Variants in SYNDIG1L observed in about 807,000 individuals in gnomAD.
The protein encoded by SYNDIG1L is synapse differentiation-inducing gene protein 1-like.
Under a neutral mutation model 20.1 loss-of-function variants are expected in SYNDIG1L, and 13 were observed. The ratio of observed to expected loss-of-function variants is 0.65; its 90% CI spans 0.42 to 1.03. The LOEUF (loss-of-function observed/expected upper bound fraction) is 1.03. SYNDIG1L is among the 50% of genes least tolerant of loss of function. SYNDIG1L has a pLI of 0.00. For synonymous variants in SYNDIG1L, 128 were observed against 129.3 expected (o/e 0.99, Z 0.07); for missense variants, 294 against 305.1 (o/e 0.96, Z 0.27).
At chr14:74,424,836 C>T (rs534161884) in intron 1 of SYNDIG1L, among the ~76,000 whole-genome samples, 47 of 152,222 alleles carry the variant, frequency 3.1e-4, no homozygotes, top group Admixed American at 2.0e-3. Flanking sequence ...TTTCATTGGG[C>T]CCCAAGGCAG....
the SYNDIG1L span, among the ~76,000 whole-genome samples, chr14:74,439,489 G>A: frequency 2.3e-3 from 346 of 152,258 alleles, 1 homozygote; most frequent in Non-Finnish European, 2.5e-3. Flanking sequence ...TTAAATTGCT[G>A]CTAGTCTTGG....
Position 74,414,235 on chromosome 14 carries a change from T to C in SYNDIG1L, c.-57-4434A>G, listed in dbSNP as rs111241513. On this transcript the variant is annotated intron_variant, in intron 1 of 3. Coordinates refer to ENST00000331628, the MANE Select transcript of SYNDIG1L (RefSeq NM_001105579.2). ...ACACTCGTGTGTGTTTGTTTGTGTA[T>C]GCATGCACGCACACGTGTGTGTGTA... Among the ~76,000 whole-genome samples the C allele has an allele frequency of 5.3e-3, 802 of 152,348 alleles. 5 individuals are homozygous for C. Among genetic ancestry groups the C allele is most frequent in the Non-Finnish European group, 9.6e-3 (655 of 68,028 alleles).
chr14:74,454,520 G>C, the SYNDIG1L span, among the ~76,000 whole-genome samples: 4 of 152,298 alleles, frequency 2.6e-5, no homozygotes, highest in East Asian at 5.8e-4. Flanking sequence ...TGAGAAGCTG[G>C]AGCCGCTTCC....
chr14:74,412,849 C>T (rs2086142822), intron 1 of SYNDIG1L, among the ~76,000 whole-genome samples: 1 of 152,216 alleles, frequency 6.6e-6, no homozygotes, highest in East Asian at 1.9e-4. Flanking sequence ...GCCTCTCCCC[C>T]AGCTGGCCAT....
chr14:74,463,560 C>T, the SYNDIG1L span, among the ~76,000 whole-genome samples: 2 of 152,248 alleles, frequency 1.3e-5, no homozygotes, highest in African/African-American at 2.4e-5. Flanking sequence ...TGTGCGGTCT[C>T]GGATACCTCA....
At chr14:74,415,157 G>A (rs1035031946) in intron 1 of SYNDIG1L, among the ~76,000 whole-genome samples, 1 of 152,200 alleles carries the variant, frequency 6.6e-6, no homozygotes, top group Non-Finnish European at 1.5e-5. Context: ...GCTACATGCT[G>A]GAAGTAGGAG....
the SYNDIG1L span, among the ~76,000 whole-genome samples, chr14:74,439,114 CAAA>C: frequency 1.1e-4 from 7 of 65,102 alleles, no homozygotes; most frequent in East Asian, 4.8e-4. Context: ...AACTCTGTCT[CAAA>C]AAAAAAAAAA....
At chr14:74,412,485 C>G (rs962049516) in intron 1 of SYNDIG1L, among the ~76,000 whole-genome samples, 1 of 152,158 alleles carries the variant, frequency 6.6e-6, no homozygotes, top group African/African-American at 2.4e-5. Context: ...ATGAAATGGC[C>G]ACTGGTGTCA....
chr14:74,411,839 A>G (rs780695877), intron 1 of SYNDIG1L, among the ~76,000 whole-genome samples: 1 of 152,142 alleles, frequency 6.6e-6, no homozygotes, highest in African/African-American at 2.4e-5. Flanking sequence ...GGCTCCAAGA[A>G]CATCTAACAA....
the SYNDIG1L span, among the ~76,000 whole-genome samples, chr14:74,475,702 G>A: frequency 5.9e-5 from 9 of 152,078 alleles, no homozygotes; most frequent in African/African-American, 1.9e-4. Context: ...TCAGAATTCT[G>A]CAGAACCAAG....
chr14:74,458,757 GCAAA>G, the SYNDIG1L span, among the ~76,000 whole-genome samples: 83 of 152,020 alleles, frequency 5.5e-4, no homozygotes, highest in African/African-American at 2.0e-3. Context: ...AGGTTTGTCA[GCAAA>G]CATTTTATAC....
At position 74,416,612 on chromosome 14, in the gene SYNDIG1L, C is replaced by A. The variant is rs1277635095; in HGVS notation, c.-57-6811G>T. The stretch of plus-strand genomic sequence containing the variant: ...TTGCACCACTGCACTGCAGCCTGGG[C>A]AACAGAGCAAGACTTTGTCTCAAAA... On this transcript the variant is annotated intron_variant, in intron 1 of 3. Transcript: ENST00000331628. Among the ~76,000 whole-genome samples the A allele has an allele frequency of 3.9e-5, 6 of 152,068 alleles. No homozygotes were observed. In the South Asian group the frequency reaches 1.0e-3, roughly 26 times the overall value.
At chr14:74,432,861 A>G in the SYNDIG1L span, among the ~76,000 whole-genome samples, 1 of 152,176 alleles carries the variant, frequency 6.6e-6, no homozygotes, top group East Asian at 1.9e-4. Flanking sequence ...CTCAAAAAAA[A>G]AAAGAGACAG....
chr14:74,406,038 C>T lies in SYNDIG1L; in HGVS notation c.*1497G>A. 5.0e-6 allele frequency: 2 copies of T among 398,782 alleles called. No individual in the cohort carries two copies. The highest frequency in any genetic ancestry group is 6.3e-4 in the Middle Eastern group (1 of 1,588). 24.7% of individuals were successfully genotyped at this position (398,782 alleles called of 1,614,324 possible). A position where few individuals can be genotyped will look rare whatever the true frequency, so the allele number is the denominator to read the frequency against. ...CAAGGGATGCTCAGTGGTGGAGCCA[C>T]AGCCCTGGGCTCTGGATGGGGCATG... is the stretch of plus-strand genomic sequence containing the variant. On this transcript the variant is annotated 3_prime_UTR_variant, in exon 4 of 4. Transcript: ENST00000331628.
the SYNDIG1L span, among the ~76,000 whole-genome samples, chr14:74,462,027 A>C: frequency 8.4e-5 from 12 of 143,202 alleles, no homozygotes. Context: ...TGGAGGTTGC[A>C]GTGAGCCGAG....
At chr14:74,453,352 CAAAAAAAAAAAAAAAAAAAAAAAAAAA>C in the SYNDIG1L span, among the ~76,000 whole-genome samples, 1 of 26,760 alleles carries the variant, frequency 3.7e-5, no homozygotes, top group Admixed American at 7.3e-4. Flanking sequence ...GACTCTGTCT[CAAAAAAAAAAAAAAAAAAAAAAAAAAA>C]AAAAAAAAAA....
At chr14:74,474,999 C>T in the SYNDIG1L span, 1 of 152,044 alleles carries the variant, frequency 6.6e-6, no homozygotes, top group Non-Finnish European at 1.5e-5. Context: ...TAAGCAGACA[C>T]ATAAAAATCA....
chr14:74,442,038 A>G, the SYNDIG1L span, among the ~76,000 whole-genome samples: 1 of 152,176 alleles, frequency 6.6e-6, no homozygotes, highest in Non-Finnish European at 1.5e-5. Flanking sequence ...AGCTGGGTAC[A>G]TGACTTAACC....
Position 74,406,756 on chromosome 14 carries a change from TA to T in SYNDIG1L, c.*778del, listed in dbSNP as rs1463341573. The T allele has an allele frequency of 1.3e-5, 2 of 152,232 alleles. No homozygotes were observed. The highest frequency in any genetic ancestry group is 3.9e-4 in the East Asian group (2 of 5,174). The allele number at this position is 152,232 out of a possible 1,614,324, so 9.4% of individuals were successfully genotyped here. A position where few individuals can be genotyped will look rare whatever the true frequency, so the allele number is the denominator to read the frequency against. ...CCAGGCAAAGCCCAGAAAAGGATGA[TA>T]GGGGCGGGGAGTGGGGGGAGAGTAG... On this transcript the variant is annotated 3_prime_UTR_variant, in exon 4 of 4. Transcript: ENST00000331628.
Sources: gnomAD v4.1 joint callset for allele counts (sites outside exome capture counted in the v4.1 genomes callset) on GRCh38, gnomAD v4.1.1 for gene constraint, MANE v1.5 for transcripts, NCBI Gene and HGNC (gene_info 2026-07-23, HGNC 2026-07-21) for gene names.